UBR4: variants seen among roughly 807,000 people sequenced by gnomAD.
UBR4 encodes E3 ubiquitin-protein ligase UBR4.
In UBR4, 124 loss-of-function variants were observed where a neutral mutation model predicts 575.6. The observed-to-expected ratio is 0.22, with a 90% confidence interval of 0.19 to 0.25. The LOEUF is 0.25. Among genes scored for constraint, UBR4 ranks in the 10% least tolerant of loss-of-function variants. The pLI, the probability that UBR4 is intolerant of heterozygous loss-of-function variation, is 1.00. For missense variants in UBR4, 4,818 were observed against 6,478.8 expected (o/e 0.74, Z 8.80); for synonymous variants, 2,455 against 2,473.7 (o/e 0.99, Z 0.22).
chr1:19,193,792 G>A (rs1244363772), intron 8 of UBR4, among the ~76,000 whole-genome samples: 1 of 151,890 alleles, frequency 6.6e-6, no homozygotes, highest in Non-Finnish European at 1.5e-5. Flanking sequence ...CACTACACAC[G>A]AATGTCCTTC....
intron 34 of UBR4, among the ~76,000 whole-genome samples, chr1:19,163,126 T>G (rs2087674429): frequency 6.6e-6 from 1 of 152,200 alleles, no homozygotes; most frequent in African/African-American, 2.4e-5. Context: ...TTAATTGGCA[T>G]CAAAGACTCA....
intron 13 of UBR4, among the ~76,000 whole-genome samples, chr1:19,186,908 A>G (rs571112298): frequency 6.6e-6 from 1 of 152,078 alleles, no homozygotes; most frequent in East Asian, 1.9e-4. Flanking sequence ...AATCATCACA[A>G]ATCACCAAGT....
chr1:19,074,930 G>A (rs1384856536), intron 105 of UBR4, 34 bp from the exon 106 acceptor site: 1 of 1,610,336 alleles, frequency 6.2e-7, no homozygotes, highest in Non-Finnish European at 8.5e-7. Flanking sequence ...TGTGTCAGGA[G>A]CAGGCATACA....
At position 19,092,772 on chromosome 1, in the gene UBR4, T is replaced by C. The variant is rs1358302721; in HGVS notation, c.14211+47A>G. 12 of 1,487,476 alleles carry C rather than the reference T, an allele frequency of 8.1e-6. No individual in the cohort carries two copies. In the Middle Eastern group the frequency reaches 7.1e-4, roughly 88 times the overall value. 92.1% of individuals were successfully genotyped at this position (1,487,476 alleles called of 1,614,324 possible). A position where few individuals can be genotyped will look rare whatever the true frequency, so the allele number is the denominator to read the frequency against. On this transcript the variant is annotated intron_variant, in intron 97 of 105. Transcript: ENST00000375254. ...ATGTCTCAAGGTAAACTAGGGTAGT[T>C]ATACTTGTACCCCTGTACCCTCACA...
Position 19,138,028 on chromosome 1 carries a change from C to T in UBR4, c.8885G>A (p.Gly2962Glu). 6.4e-7 allele frequency: 1 copy of T among 1,569,470 alleles called. No individual in the cohort carries two copies. The highest frequency in any genetic ancestry group is 8.7e-7 in the Non-Finnish European group (1 of 1,152,510). ...SEGEGEGETEGDVHTSNRLHM... is the reference protein window; with the variant it reads ...SEGEGEGETEEDVHTSNRLHM... ...TGACCTGTTGCTAGTGTGGACATCT[C>T]CTTCAGTTTCTCCTTCTCCTTCTCC... Residue 2962 changes from glycine to glutamate, a missense_variant, in exon 60 of 106, where the codon GGA becomes GAA. Gly to Glu is a moderately conservative substitution (Grantham distance 98). This residue lies in a region of UBR4 where 87 missense variants were observed against 82.8 expected (regional missense o/e 1.05). Coordinates refer to ENST00000375254, the MANE Select transcript of UBR4 (RefSeq NM_020765.3).
Position 19,143,964 on chromosome 1 carries a change from C to T in UBR4, c.8179+16G>A. The T allele has an allele frequency of 1.2e-6, 2 of 1,611,002 alleles. No individual in the cohort carries two copies. The highest frequency in any genetic ancestry group is 1.7e-6 in the Non-Finnish European group (2 of 1,177,454). ...CCCAAATACAGGCTTGAGCCTAAACCCAGACCTCATATTACCCATTGGAGT... is the reference window on the plus strand; with the variant it reads ...CCCAAATACAGGCTTGAGCCTAAACTCAGACCTCATATTACCCATTGGAGT... On this transcript the variant is annotated intron_variant, in intron 55 of 105. Transcript: ENST00000375254.
chr1:19,140,941 C>T, intron 57 of UBR4, 49 bp from the exon 58 acceptor site: 1 of 1,546,542 alleles, frequency 6.5e-7, no homozygotes, highest in Non-Finnish European at 8.7e-7. Flanking sequence ...AGGTCCCATC[C>T]ACAGCGCTGC....
chr1:19,079,863 T>C (rs1448115797), intron 103 of UBR4: 2 of 152,172 alleles, frequency 1.3e-5, no homozygotes, highest in Admixed American at 1.3e-4. Flanking sequence ...CCTGCCCAAC[T>C]TAATTATTTA....
intron 64 of UBR4, 116 bp downstream of exon 64, chr1:19,126,330 C>A: frequency 1.6e-6 from 2 of 1,227,016 alleles, no homozygotes; most frequent in Non-Finnish European, 2.3e-6. Context: ...CCAAGGAATG[C>A]CGGCTCCTTC....
intron 17 of UBR4, among the ~76,000 whole-genome samples, chr1:19,180,256 T>C (rs143047708): frequency 9.1e-4 from 138 of 152,206 alleles, no homozygotes; most frequent in African/African-American, 3.1e-3. Context: ...TTGCACGATC[T>C]CAGCTCACTG....
intron 75 of UBR4, 40 bp from the exon 76 acceptor site, chr1:19,114,110 G>A: frequency 6.3e-7 from 1 of 1,594,350 alleles, no homozygotes; most frequent in Non-Finnish European, 8.6e-7. Flanking sequence ...AGGCTTTTTG[G>A]CTGATGACTT....
At chr1:19,121,493 A>T (rs2081173550) in intron 67 of UBR4, 59 bp from the exon 68 acceptor site, 4 of 1,561,054 alleles carry the variant, frequency 2.6e-6, no homozygotes, top group African/African-American at 1.4e-5. Context: ...ACTCAGGAGA[A>T]CCAAAACAAC....
chr1:19,204,975 G>A lies in UBR4; in HGVS notation c.177-3160C>T, dbSNP rs76951297. Among the ~76,000 whole-genome samples the A allele has an allele frequency of 3.6e-3, 552 of 152,220 alleles. 12 individuals carry two copies. The East Asian group carries it at 0.054, about 15-fold the overall frequency. On this transcript the variant is annotated intron_variant, in intron 1 of 105. Coordinates refer to ENST00000375254, the MANE Select transcript of UBR4 (RefSeq NM_020765.3). The stretch of plus-strand genomic sequence containing the variant: ...GGAACAAAGGACAAAAAGTTAAGTA[G>A]GAAGGAGAAGAATGAAGAAATGGAA...
intron 101 of UBR4, among the ~76,000 whole-genome samples, chr1:19,085,769 T>C (rs528497016): frequency 1.3e-5 from 2 of 152,254 alleles, no homozygotes; most frequent in South Asian, 4.1e-4. Flanking sequence ...GCCACTTTCG[T>C]ATTTAAACCT....
In UBR4 at chr1:19,118,866, G is replaced by A. The variant is rs377497604; in HGVS notation, c.10541+6C>T. 6 of 1,613,934 alleles carry A rather than the reference G, an allele frequency of 3.7e-6. No homozygotes were observed. The African/African-American group carries it at 8.0e-5, about 22-fold the overall frequency. ...TCCCACAGGTAGAAAGCAAAACAAA[G>A]CTCACTTATAAATGTTCGAGTTGGG... is the stretch of plus-strand genomic sequence containing the variant. On this transcript the variant is annotated splice_donor_region_variant and intron_variant, in intron 71 of 105. Transcript: ENST00000375254.
At chr1:19,165,569 A>T (rs749210648) in intron 30 of UBR4, 87 bp downstream of exon 30, 1 of 1,387,420 alleles carries the variant, frequency 7.2e-7, no homozygotes, top group African/African-American at 1.4e-5. Context: ...TATTGCTGAT[A>T]ATAAGTACCT....
intron 1 of UBR4, among the ~76,000 whole-genome samples, chr1:19,205,523 C>A (rs2092961399): frequency 6.6e-6 from 1 of 152,112 alleles, no homozygotes; most frequent in South Asian, 2.1e-4. Context: ...TGAAAACTGT[C>A]TTTCAGATAC....
intron 1 of UBR4, among the ~76,000 whole-genome samples, chr1:19,207,852 T>A (rs1370321223): frequency 6.6e-6 from 1 of 152,126 alleles, no homozygotes; most frequent in Non-Finnish European, 1.5e-5. Context: ...CCCATAGATA[T>A]AATTTTAAAC....
In UBR4 at chr1:19,139,078, A is replaced by G. The variant is rs768971814; in HGVS notation, c.8731+5T>C. 4.4e-6 allele frequency: 7 copies of G among 1,609,056 alleles called. No individual in the cohort carries two copies. The Admixed American group carries it at 6.7e-5, about 15-fold the overall frequency. On this transcript the variant is annotated splice_donor_5th_base_variant and intron_variant, in intron 59 of 105. Transcript: ENST00000375254. The surrounding 1 kb of genome is among the most constrained non-coding windows in gnomAD (Gnocchi z 4.2). The stretch of plus-strand genomic sequence containing the variant: ...GGAGACAGGACCCCCGCCATGGCAC[A>G]TTACCACTGTGCTCGCCAGCCACTG...
Sources: allele counts gnomAD v4.1 joint callset (sites outside exome capture counted in the v4.1 genomes callset), GRCh38; gene constraint gnomAD v4.1.1; regional missense constraint gnomAD v4.1.1; non-coding constraint Gnocchi (gnomAD v3.1); transcripts MANE v1.5; gene names NCBI Gene and HGNC (gene_info 2026-07-23, HGNC 2026-07-21).